Variants in TRAFD1 observed in about 807,000 individuals in gnomAD.
TRAFD1 encodes TRAF-type zinc finger domain containing 1, also known as TRAF-type zinc finger domain-containing protein 1.
In TRAFD1, 38 loss-of-function variants were observed where a neutral mutation model predicts 65.3. The ratio of observed to expected loss-of-function variants is 0.58; its 90% CI spans 0.45 to 0.76. The LOEUF is 0.76. Ranked by LOEUF, TRAFD1 falls within the 30% of genes least tolerant of loss-of-function variation. TRAFD1 has a pLI of 0.00. For synonymous variants in TRAFD1, 223 were observed against 257.2 expected (o/e 0.87, Z 1.27); for missense variants, 631 against 712.6 (o/e 0.89, Z 1.30).
In TRAFD1 at chr12:112,152,114, TG is replaced by T; in HGVS notation, c.1596del (p.Pro533LeufsTer100). The T allele has an allele frequency of 1.2e-6, 2 of 1,613,378 alleles. No individual in the cohort carries two copies. Among genetic ancestry groups the T allele is most frequent in the Non-Finnish European group, 1.7e-6 (2 of 1,179,452 alleles). The part of the protein sequence containing the change: ...PENIVPSFSP[G>X]PSGRYGASGR... ...AAAACATTGTGCCCTCTTTCTCCCC[TG>T]GGCCTTCAGGGAGATACGGAGCTAG... On this transcript the variant is annotated frameshift_variant, in exon 10 of 12. Coordinates refer to ENST00000412615, the MANE Select transcript of TRAFD1 (RefSeq NM_006700.3). LOFTEE classifies it high-confidence loss of function. The surrounding 1 kb of genome is among the most constrained non-coding windows in gnomAD (Gnocchi z 5.0).
rs555477050 is a variant in TRAFD1, at chr12:112,130,215, G to T, written c.-12-296G>T. Among the ~76,000 whole-genome samples the T allele has an allele frequency of 1.3e-5, 2 of 151,168 alleles. No homozygotes were observed. Among genetic ancestry groups the T allele is most frequent in the African/African-American group, 2.4e-5 (1 of 41,152 alleles). ...TTAAACTCCTGGGCTCAAGTGATCC[G>T]CCTGCCTCGGCCTCCCAAAGTACTG... On this transcript the variant is annotated intron_variant, in intron 1 of 11. Transcript: ENST00000412615. The surrounding 1 kb of genome is among the most constrained non-coding windows in gnomAD (Gnocchi z 4.4).
At chr12:112,133,200 C>T (rs1203008846) in intron 2 of TRAFD1, 2 of 152,112 alleles carry the variant, frequency 1.3e-5, no homozygotes, top group East Asian at 3.9e-4. Context: ...AGTGGAGAGA[C>T]CAGACTGGTG....
rs146801093 is a variant in TRAFD1 at position 112,152,352 on chromosome 12, T to G, written c.1620-75T>G. On this transcript the variant is annotated intron_variant, in intron 10 of 11. Coordinates refer to ENST00000412615, the MANE Select transcript of TRAFD1 (RefSeq NM_006700.3). This position sits in a 1 kb window ranked among gnomAD's most constrained non-coding sequence, Gnocchi z 5.0. ...GGTTTGTCTGCTAGCATAGGACTGC[T>G]TCCTGTTCCCTCTGAGTTTGTTGAC... 264 of 1,584,344 alleles carry G rather than the reference T, an allele frequency of 1.7e-4. No individual in the cohort carries two copies. In the African/African-American group the frequency reaches 2.9e-3, roughly 17 times the overall value.
chr12:112,127,530 A>G (rs1329786069), intron 1 of TRAFD1, among the ~76,000 whole-genome samples: 1 of 149,936 alleles, frequency 6.7e-6, no homozygotes, highest in Non-Finnish European at 1.5e-5. Context: ...TGTGATCACA[A>G]CTCACTCACT....
rs2136965428 is a variant in TRAFD1, at chr12:112,125,627, T to C, written c.-13+9T>C. The C allele has an allele frequency of 6.5e-6, 1 of 152,718 alleles. No individual in the cohort carries two copies. Among genetic ancestry groups the C allele is most frequent in the Non-Finnish European group, 1.5e-5 (1 of 68,340 alleles). 9.5% of individuals were successfully genotyped at this position (152,718 alleles called of 1,614,324 possible). ...TTCTCCTCTCGTCCCTGGTGAGGTG[T>C]AGCGGCGGCACGCGGCTGGAGATCC... On this transcript the variant is annotated intron_variant, in intron 1 of 11. Transcript: ENST00000412615.
Position 112,130,692 on chromosome 12 carries a change from G to T in TRAFD1, c.47+123G>T. Reference sequence around the variant, plus strand: ...AGTCTTGAGTTAAGCTTTCTATTTTGGTGTTTATAACCCACATGAATTACA... The same window carrying T: ...AGTCTTGAGTTAAGCTTTCTATTTTTGTGTTTATAACCCACATGAATTACA... On this transcript the variant is annotated intron_variant, in intron 2 of 11. Coordinates refer to ENST00000412615, the MANE Select transcript of TRAFD1 (RefSeq NM_006700.3). The surrounding 1 kb of genome is among the most constrained non-coding windows in gnomAD (Gnocchi z 4.4). 1.3e-6 allele frequency: 1 copy of T among 750,876 alleles called. No homozygotes were observed. Among genetic ancestry groups the T allele is most frequent in the South Asian group, 2.1e-5 (1 of 47,248 alleles). The allele number at this position is 750,876 out of a possible 1,614,324, so 46.5% of individuals were successfully genotyped here.
In TRAFD1 at chr12:112,137,323, T is replaced by C. The variant is rs771534493; in HGVS notation, c.237+2257T>C. The stretch of plus-strand genomic sequence containing the variant: ...TATAATGCAAGTGAAATCAGTGCTG[T>C]GCCCCTTCAAGGAACCACGTGACAG... On this transcript the variant is annotated intron_variant, in intron 4 of 11. Transcript: ENST00000412615. The surrounding 1 kb of genome is among the most constrained non-coding windows in gnomAD (Gnocchi z 4.2). 1.3e-5 allele frequency among the ~76,000 whole-genome samples: 2 copies of C among 152,230 alleles called. No homozygotes were observed. Among genetic ancestry groups the C allele is most frequent in the Non-Finnish European group, 2.9e-5 (2 of 68,034 alleles).
chr12:112,145,940 G>A (rs2030229214), intron 7 of TRAFD1, among the ~76,000 whole-genome samples: 1 of 145,836 alleles, frequency 6.9e-6, no homozygotes, highest in African/African-American at 2.5e-5. Context: ...AACACCACAT[G>A]TTCTCACTCA....
intron 9 of TRAFD1, among the ~76,000 whole-genome samples, chr12:112,151,510 C>T (rs762184521): frequency 1.3e-5 from 2 of 151,578 alleles, no homozygotes; most frequent in Non-Finnish European, 2.9e-5. Context: ...CTCCTGGTCT[C>T]AGCCTCCTGA....
At position 112,148,242 on chromosome 12, in the gene TRAFD1, A is replaced by C. The variant is rs1272508619; in HGVS notation, c.1096A>C (p.Ile366Leu). Residue 366 changes from isoleucine (I) to leucine (L), a missense_variant, in exon 8 of 12, where the codon ATC (isoleucine) becomes CTC (leucine). Coordinates refer to ENST00000412615, the MANE Select transcript of TRAFD1 (RefSeq NM_006700.3). The part of the protein sequence containing the change: ...LSNSHPVEES[I>L]IIPCEFCGVQ... ...CAATTCACACCCTGTGGAGGAGAGC[A>C]TCATTATCCCATGTGAATTCTGTGG... The C allele has an allele frequency of 6.2e-7, 1 of 1,614,160 alleles. No individual in the cohort carries two copies. Among genetic ancestry groups the C allele is most frequent in the Non-Finnish European group, 8.5e-7 (1 of 1,180,026 alleles).
In TRAFD1 at chr12:112,151,960, C is replaced by A. The variant is rs778439356; in HGVS notation, c.1439C>A (p.Ser480Tyr). 2 of 1,614,140 alleles carry A rather than the reference C, an allele frequency of 1.2e-6. No individual in the cohort carries two copies. Among genetic ancestry groups the A allele is most frequent in the Non-Finnish European group, 1.7e-6 (2 of 1,180,056 alleles). ...CCCAGACCTGGGTGCCAGCCCAGCT[C>A]TCCTTGTGTGCCGAAGCTCAGCAAC... Reference protein sequence around the residue: ...SGPRPGCQPSSPCVPKLSNSD... With the variant: ...SGPRPGCQPSYPCVPKLSNSD... Residue 480 changes from serine (S) to tyrosine (Y), a missense_variant, in exon 10 of 12, where the codon TCT (serine) becomes TAT (tyrosine). Ser to Tyr is a moderately radical substitution (Grantham distance 144). Transcript: ENST00000412615.
Position 112,149,838 on chromosome 12 carries a change from C to G in TRAFD1, c.1246C>G (p.Pro416Ala). Reference protein sequence around the residue: ...RLDSQPQETSPELPRRRVRHQ... With the variant: ...RLDSQPQETSAELPRRRVRHQ... ...GGATTCCCAGCCTCAAGAGACCTCA[C>G]CAGAGCTGCCCAGGAGGCGTGTCAG... The change falls in exon 9 of 12, where the codon CCA becomes GCA. Residue 416 changes from proline to alanine, a missense_variant. Physicochemically the swap from Pro to Ala is conservative, Grantham distance 27. Coordinates refer to ENST00000412615, the MANE Select transcript of TRAFD1 (RefSeq NM_006700.3). 6.2e-7 allele frequency: 1 copy of G among 1,614,190 alleles called. No homozygotes were observed. Among genetic ancestry groups the G allele is most frequent in the Non-Finnish European group, 8.5e-7 (1 of 1,180,018 alleles).
chr12:112,135,750 T>C (rs2079596057), intron 4 of TRAFD1, among the ~76,000 whole-genome samples: 1 of 151,318 alleles, frequency 6.6e-6, no homozygotes, highest in African/African-American at 2.4e-5. Context: ...CTATTTAACC[T>C]AAGAAATTCC....
chr12:112,136,176 G>A (rs929249891), intron 4 of TRAFD1, among the ~76,000 whole-genome samples: 3 of 150,220 alleles, frequency 2.0e-5, no homozygotes, highest in Non-Finnish European at 4.4e-5. Context: ...CTCTATTGCT[G>A]TGTTGCACAG....
chr12:112,144,163 G>T (rs1178362524), intron 6 of TRAFD1, among the ~76,000 whole-genome samples: 1 of 152,100 alleles, frequency 6.6e-6, no homozygotes, highest in Non-Finnish European at 1.5e-5. Context: ...ACGTGTGTGT[G>T]TGAACACCAA....
At position 112,152,408 on chromosome 12, in the gene TRAFD1, T is replaced by C; in HGVS notation, c.1620-19T>C. On this transcript the variant is annotated intron_variant, in intron 10 of 11. Transcript: ENST00000412615. The surrounding 1 kb of genome is among the most constrained non-coding windows in gnomAD (Gnocchi z 5.0). ...CTCAGGGACACTTCAGGAGCTAGTT[T>C]CTAATTGTTTTCTTTCAGTGGTAGG... 1 of 1,611,310 alleles carries C rather than the reference T, an allele frequency of 6.2e-7. No individual in the cohort carries two copies. Among genetic ancestry groups the C allele is most frequent in the Non-Finnish European group, 8.5e-7 (1 of 1,180,024 alleles).
intron 4 of TRAFD1, among the ~76,000 whole-genome samples, chr12:112,135,826 T>G (rs1006086198): frequency 2.3e-5 from 3 of 130,412 alleles, no homozygotes; most frequent in African/African-American, 6.0e-5. Flanking sequence ...TGGCCAAAGG[T>G]TTTTTTTTTT....
intron 6 of TRAFD1, among the ~76,000 whole-genome samples, chr12:112,143,513 C>G (rs969071629): frequency 2.0e-5 from 3 of 152,190 alleles, no homozygotes. Context: ...GTGTGAGCCA[C>G]TGCGCCCAGC....
intron 4 of TRAFD1, among the ~76,000 whole-genome samples, chr12:112,136,154 G>A (rs1236779804): frequency 6.6e-6 from 1 of 151,186 alleles, no homozygotes; most frequent in African/African-American, 2.4e-5. Flanking sequence ...AAAAAATAGA[G>A]ACAGGTGTTG....
Sources: gnomAD v4.1 joint callset for allele counts (sites outside exome capture counted in the v4.1 genomes callset) on GRCh38, gnomAD v4.1.1 for gene constraint, Gnocchi (gnomAD v3.1) non-coding constraint, MANE v1.5 for transcripts, NCBI Gene and HGNC (gene_info 2026-07-23, HGNC 2026-07-21) for gene names.